UBR1: variants seen among roughly 807,000 people sequenced by gnomAD.
UBR1 encodes ubiquitin protein ligase E3 component n-recognin 1.
In UBR1, 102 loss-of-function variants were observed where a neutral mutation model predicts 242.1. That is an observed-to-expected ratio of 0.42 (90% CI 0.36 to 0.50). UBR1 has a LOEUF of 0.50. Ranked by LOEUF, UBR1 falls within the 20% of genes least tolerant of loss-of-function variation. The probability of loss-of-function intolerance (pLI) is 0.01; values close to 1 mark genes in which losing one functional copy is unlikely to be tolerated. For missense variants in UBR1, 1,772 were observed against 2,101.8 expected, an observed-to-expected ratio of 0.84 and a Z score of 3.07; for synonymous variants, 675 against 684.8, an observed-to-expected ratio of 0.99 and a Z score of 0.22.
intron 46 of UBR1, among the ~76,000 whole-genome samples, chr15:42,946,122 G>A (rs1275751746): frequency 6.6e-6 from 1 of 151,612 alleles, no homozygotes; most frequent in African/African-American, 2.4e-5. Flanking sequence ...GATTTTTTTT[G>A]TTTTTGTTTT....
intron 28 of UBR1, 85 bp downstream of exon 28, chr15:43,017,010 A>G: frequency 9.4e-7 from 1 of 1,059,636 alleles, no homozygotes; most frequent in Non-Finnish European, 1.5e-6. Context: ...TCTCCTAACA[A>G]AAAAGCAGTA....
rs2031688977 is a variant in UBR1 at position 42,943,825 on chromosome 15, C to G, written c.*1504G>C. The G allele has an allele frequency of 6.6e-6, 1 of 152,318 alleles. No individual in the cohort carries two copies. 9.4% of individuals were successfully genotyped at this position (152,318 alleles called of 1,614,324 possible). A position where few individuals can be genotyped will look rare whatever the true frequency, so the allele number is the denominator to read the frequency against. On this transcript the variant is annotated 3_prime_UTR_variant, in exon 47 of 47. Coordinates refer to ENST00000290650, the MANE Select transcript of UBR1 (RefSeq NM_174916.3). The stretch of plus-strand genomic sequence containing the variant: ...TACAAATTGTTCACTAGACATGTAT[C>G]TATTTATCCAGATACCTTCTGAATT...
In UBR1 at chr15:43,022,693, C is replaced by A. The variant is rs1398744594; in HGVS notation, c.2839+9G>T. On this transcript the variant is annotated intron_variant, in intron 26 of 46. Transcript: ENST00000290650. ...GACAAATGTGTTGAAGAGTGATACT[C>A]AAACATACTTGAAGCCTTATGATAA... The A allele has an allele frequency of 1.3e-6, 2 of 1,588,288 alleles. No individual in the cohort carries two copies. The highest frequency in any genetic ancestry group is 2.2e-5 in the South Asian group (2 of 90,152).
At chr15:42,990,216 A>C in intron 33 of UBR1, 96 bp from the exon 34 acceptor site, 1 of 908,346 alleles carries the variant, frequency 1.1e-6, no homozygotes, top group Non-Finnish European at 1.7e-6. Flanking sequence ...TGACAGTCTC[A>C]CTCTGTCACC....
At chr15:43,103,098 G>A (rs895565074) in intron 1 of UBR1, among the ~76,000 whole-genome samples, 1 of 152,222 alleles carries the variant, frequency 6.6e-6, no homozygotes, top group African/African-American at 2.4e-5. Flanking sequence ...AACCTGGGAG[G>A]TGGAAGTTAT....
At position 43,032,565 on chromosome 15, in the gene UBR1, T is replaced by C; in HGVS notation, c.2254+3A>G. ...ATTTCAAAACATTGTGTTTTAATCT[T>C]ACCCACAATATAGATGAGGACCTGA... On this transcript the variant is annotated splice_donor_region_variant and intron_variant, in intron 20 of 46. Transcript: ENST00000290650. 1 of 1,526,116 alleles carries C rather than the reference T, an allele frequency of 6.6e-7. No homozygotes were observed. The allele number at this position is 1,526,116 out of a possible 1,614,324, so 94.5% of individuals were successfully genotyped here. A position where few individuals can be genotyped will look rare whatever the true frequency, so the allele number is the denominator to read the frequency against.
chr15:43,038,063 T>C (rs1283636571), intron 16 of UBR1, 108 bp downstream of exon 16: 3 of 1,335,854 alleles, frequency 2.2e-6, no homozygotes, highest in Non-Finnish European at 3.2e-6. Context: ...AATTACTAAA[T>C]GGGAATTCCT....
chr15:42,975,017 C>A (rs1039438502), intron 39 of UBR1, among the ~76,000 whole-genome samples: 2 of 152,170 alleles, frequency 1.3e-5, no homozygotes, highest in African/African-American at 4.8e-5. Flanking sequence ...CTGCCTCAGC[C>A]TCCTGAGTAG....
At chr15:43,052,800 C>G (rs896053032) in intron 12 of UBR1, among the ~76,000 whole-genome samples, 2 of 152,022 alleles carry the variant, frequency 1.3e-5, no homozygotes, top group Non-Finnish European at 1.5e-5. Flanking sequence ...GTGTGTTAGG[C>G]CAGGTTTCAG....
chr15:42,975,777 A>G (rs1024409341), intron 39 of UBR1, among the ~76,000 whole-genome samples: 1 of 151,962 alleles, frequency 6.6e-6, no homozygotes, highest in African/African-American at 2.4e-5. Flanking sequence ...TGCATGGTGC[A>G]ATCACAGCAC....
intron 15 of UBR1, among the ~76,000 whole-genome samples, chr15:43,042,623 A>G (rs1254679273): frequency 6.6e-6 from 1 of 152,136 alleles, no homozygotes; most frequent in Non-Finnish European, 1.5e-5. Context: ...AAGCTTTTGG[A>G]GAAGGATGGT....
At chr15:43,077,421 G>T (rs1361724445) in intron 3 of UBR1, among the ~76,000 whole-genome samples, 1 of 151,920 alleles carries the variant, frequency 6.6e-6, no homozygotes, top group Non-Finnish European at 1.5e-5. Flanking sequence ...GGTGCGAGAT[G>T]TGCTTTGTTA....
intron 3 of UBR1, among the ~76,000 whole-genome samples, chr15:43,077,620 G>C (rs1440668878): frequency 2.8e-5 from 4 of 144,122 alleles, no homozygotes; most frequent in East Asian, 2.0e-4. Flanking sequence ...ATCCCCCTCT[G>C]GGAGAAACAC....
At chr15:43,026,502 TG>T in intron 23 of UBR1, 58 bp downstream of exon 23, 2 of 1,468,252 alleles carry the variant, frequency 1.4e-6, no homozygotes. Flanking sequence ...AAATTTTCTG[TG>T]GAGTTAGAAA....
At chr15:43,005,129 C>A (rs977985875) in intron 30 of UBR1, among the ~76,000 whole-genome samples, 59 of 151,006 alleles carry the variant, frequency 3.9e-4, no homozygotes, top group African/African-American at 8.3e-4. Flanking sequence ...AAGTGAGGAG[C>A]CCCTCCGCCC....
rs80126347 is a variant in UBR1, at chr15:43,011,728, T to C, written c.3209+3960A>G. On this transcript the variant is annotated intron_variant, in intron 29 of 46. Transcript: ENST00000290650. ...CTGGATGGTAATGTGGCCACATCTA[T>C]AAAAATTTTAACCCAGCCCTTTCAC... is the stretch of plus-strand genomic sequence containing the variant. 1.3e-3 allele frequency among the ~76,000 whole-genome samples: 195 copies of C among 152,304 alleles called. 2 individuals carry two copies. The highest frequency in any genetic ancestry group is 4.1e-3 in the African/African-American group (170 of 41,584).
intron 42 of UBR1, among the ~76,000 whole-genome samples, chr15:42,961,921 A>ATT (rs57244897): frequency 3.7e-5 from 5 of 133,472 alleles, no homozygotes; most frequent in African/African-American, 1.1e-4. Flanking sequence ...TGCCCAGCTA[A>ATT]TTTTTTTTTT....
chr15:43,038,495 G>A (rs565123946), intron 15 of UBR1, among the ~76,000 whole-genome samples: 1 of 152,252 alleles, frequency 6.6e-6, no homozygotes, highest in East Asian at 1.9e-4. Flanking sequence ...TTGGGAGGCT[G>A]AGGCAGGAGA....
chr15:42,970,674 T>G (rs987234959), intron 39 of UBR1, 67 bp from the exon 40 acceptor site: 28 of 1,412,612 alleles, frequency 2.0e-5, no homozygotes, highest in Non-Finnish European at 2.6e-5. Context: ...GACTTTAATT[T>G]CATTGTTCCA....
Sources: allele counts gnomAD v4.1 joint callset (sites outside exome capture counted in the v4.1 genomes callset), GRCh38; gene constraint gnomAD v4.1.1; transcripts MANE v1.5; gene names NCBI Gene and HGNC (gene_info 2026-07-23, HGNC 2026-07-21).